DCC: variants seen among roughly 807,000 people sequenced by gnomAD.
DCC encodes the protein DCC netrin 1 receptor, also known as netrin receptor DCC.
DCC carries 58 observed loss-of-function variants against 172.5 expected under a neutral mutation model. The ratio of observed to expected loss-of-function variants is 0.34; its 90% CI spans 0.27 to 0.42. The LOEUF (loss-of-function observed/expected upper bound fraction) is 0.42. DCC is among the 10% of genes least tolerant of loss of function. The pLI, the probability that DCC is intolerant of heterozygous loss-of-function variation, is 1.00. For missense variants in DCC, 1,740 were observed against 1,791.0 expected, an observed-to-expected ratio of 0.97 and a Z score of 0.51; for synonymous variants, 709 against 644.5, an observed-to-expected ratio of 1.10 and a Z score of -1.52.
intron 15 of DCC, among the ~76,000 whole-genome samples, chr18:53,377,352 T>TGAGAGAGAGAGAGAGAGAGAGA (rs59629030): frequency 1.2e-4 from 17 of 137,366 alleles, no homozygotes; most frequent in African/African-American, 3.8e-4. Flanking sequence ...AAGATGCATT[T>TGAGAGAGAGAGAGAGAGAGAGA]GAGAGAGAGA....
At chr18:52,369,438 A>G (rs942320532) in intron 1 of DCC, among the ~76,000 whole-genome samples, 3 of 151,932 alleles carry the variant, frequency 2.0e-5, no homozygotes, top group Admixed American at 2.0e-4. Context: ...AGAAGTGTCC[A>G]TTTCTTACCA....
At chr18:52,890,437 T>C (rs1055438934) in intron 2 of DCC, among the ~76,000 whole-genome samples, 2 of 152,150 alleles carry the variant, frequency 1.3e-5, no homozygotes, top group Non-Finnish European at 2.9e-5. Flanking sequence ...GAATTCCTAG[T>C]AAATGATTTC....
intron 15 of DCC, among the ~76,000 whole-genome samples, chr18:53,357,484 C>T (rs758483674): frequency 2.0e-5 from 3 of 152,110 alleles, no homozygotes; most frequent in African/African-American, 4.8e-5. Flanking sequence ...AATCAATGCA[C>T]TTTAGCCGAC....
At chr18:53,175,373 G>A (rs553297643) in intron 8 of DCC, among the ~76,000 whole-genome samples, 2 of 152,214 alleles carry the variant, frequency 1.3e-5, no homozygotes, top group South Asian at 2.1e-4. Context: ...GTTAGGAAAA[G>A]AGGAAGTCAA....
intron 16 of DCC, among the ~76,000 whole-genome samples, chr18:53,390,276 T>TG (rs1908460255): frequency 1.3e-5 from 2 of 152,176 alleles, no homozygotes; most frequent in Non-Finnish European, 2.9e-5. Flanking sequence ...CTTTTATTTT[T>TG]GTTTTTGTTT....
intron 12 of DCC, among the ~76,000 whole-genome samples, chr18:53,248,109 T>A (rs2056386225): frequency 6.6e-6 from 1 of 152,020 alleles, no homozygotes. Flanking sequence ...TGTTGGGTGT[T>A]CCATAAATAC....
chr18:53,258,462 G>T (rs62097976), intron 12 of DCC, among the ~76,000 whole-genome samples: 45,636 of 151,792 alleles, frequency 0.3, 8,786 homozygotes, highest in Non-Finnish European at 0.44. Flanking sequence ...CCTTCATTTC[G>T]TTATGTACCC....
At chr18:53,474,075 C>T (rs555077274) in intron 25 of DCC, among the ~76,000 whole-genome samples, 1 of 152,220 alleles carries the variant, frequency 6.6e-6, no homozygotes, top group South Asian at 2.1e-4. Flanking sequence ...TAAACCATCA[C>T]ATAGTTTTCC....
chr18:53,205,145 G>T, intron 9 of DCC, 71 bp from the exon 10 acceptor site: 1 of 1,181,774 alleles, frequency 8.5e-7, no homozygotes, highest in East Asian at 2.3e-5. Flanking sequence ...ATGTAATTTT[G>T]TTTGTTTTGA....
chr18:52,456,456 G>T (rs1223255566), intron 1 of DCC, among the ~76,000 whole-genome samples: 2 of 152,006 alleles, frequency 1.3e-5, no homozygotes, highest in African/African-American at 4.8e-5. Context: ...TATAGTAAAG[G>T]TTATTCAAAT....
At chr18:52,918,627 C>T (rs541592627) in intron 3 of DCC, among the ~76,000 whole-genome samples, 3 of 152,028 alleles carry the variant, frequency 2.0e-5, no homozygotes, top group Admixed American at 6.6e-5. Flanking sequence ...GATGAAAAAA[C>T]CACCCATAAT....
intron 1 of DCC, among the ~76,000 whole-genome samples, chr18:52,705,467 C>A (rs533504677): frequency 2.7e-4 from 41 of 152,318 alleles, no homozygotes; most frequent in African/African-American, 9.4e-4. Context: ...TTAGATTTCT[C>A]TGTCAGCAGA....
chr18:53,101,158 G>A (rs538146836), intron 7 of DCC, among the ~76,000 whole-genome samples: 1 of 152,182 alleles, frequency 6.6e-6, no homozygotes, highest in African/African-American at 2.4e-5. Context: ...CTCTCACAGA[G>A]GCATCTCCTT....
chr18:53,360,618 T>C (rs959097325), intron 15 of DCC, among the ~76,000 whole-genome samples: 3 of 152,092 alleles, frequency 2.0e-5, no homozygotes, highest in African/African-American at 4.8e-5. Flanking sequence ...TGTCTAAAGC[T>C]CCATTGTAAA....
chr18:52,599,655 C>T (rs1243227999), intron 1 of DCC, among the ~76,000 whole-genome samples: 3 of 152,066 alleles, frequency 2.0e-5, no homozygotes, highest in Non-Finnish European at 2.9e-5. Flanking sequence ...GCTGGGATTA[C>T]AGGCGCTGCT....
chr18:52,395,387 G>T (rs1358511528), intron 1 of DCC, among the ~76,000 whole-genome samples: 1 of 152,028 alleles, frequency 6.6e-6, no homozygotes, highest in Non-Finnish European at 1.5e-5. Context: ...TTGCGGTATT[G>T]CTCGGTATGT....
At chr18:53,470,901 G>T in intron 25 of DCC, among the ~76,000 whole-genome samples, 1 of 152,146 alleles carries the variant, frequency 6.6e-6, no homozygotes, top group Non-Finnish European at 1.5e-5. Flanking sequence ...TTTGGGTGGG[G>T]ACACAGAGCC....
intron 1 of DCC, among the ~76,000 whole-genome samples, chr18:52,480,898 C>T (rs1285991504): frequency 1.3e-5 from 2 of 151,910 alleles, no homozygotes; most frequent in East Asian, 3.9e-4. Flanking sequence ...TTTCATTTGC[C>T]TGTTTTGAGA....
At chr18:52,560,714 G>A (rs2033017194) in intron 1 of DCC, among the ~76,000 whole-genome samples, 1 of 152,124 alleles carries the variant, frequency 6.6e-6, no homozygotes, top group African/African-American at 2.4e-5. Flanking sequence ...CTATTACTGT[G>A]CATGAACCCC....
Sources: allele counts gnomAD v4.1 joint callset (sites outside exome capture counted in the v4.1 genomes callset), GRCh38; gene constraint gnomAD v4.1.1; transcripts MANE v1.5; gene names NCBI Gene and HGNC (gene_info 2026-07-23, HGNC 2026-07-21).